The following FARS2 variants were observed in gnomAD, a reference collection of about 807,000 sequenced individuals.
The protein encoded by FARS2 is phenylalanine--tRNA ligase, mitochondrial.
Under a neutral mutation model 46.4 loss-of-function variants are expected in FARS2, and 40 were observed. The ratio of observed to expected loss-of-function variants is 0.86; its 90% CI spans 0.67 to 1.12. The LOEUF (loss-of-function observed/expected upper bound fraction) is 1.12. Ranked by LOEUF, FARS2 falls within the 50% of genes most tolerant of loss-of-function variation. FARS2 has a pLI of 0.00. For synonymous variants in FARS2, 234 were observed against 214.9 expected, an observed-to-expected ratio of 1.09 and a Z score of -0.78; for missense variants, 513 against 567.9, an observed-to-expected ratio of 0.90 and a Z score of 0.98.
intron 6 of FARS2, among the ~76,000 whole-genome samples, chr6:5,734,782 A>G (rs907917617): frequency 6.6e-6 from 1 of 152,218 alleles, no homozygotes; most frequent in African/African-American, 2.4e-5. Context: ...ACGGAAAGAT[A>G]GATGGTTGTT....
intron 6 of FARS2, among the ~76,000 whole-genome samples, chr6:5,627,994 A>G (rs944040875): frequency 6.6e-6 from 1 of 152,224 alleles, no homozygotes; most frequent in African/African-American, 2.4e-5. Flanking sequence ...CAGGCCAAAT[A>G]TTCAGATAGG....
chr6:5,584,536 T>A (rs1336574827), intron 5 of FARS2, among the ~76,000 whole-genome samples: 1 of 152,154 alleles, frequency 6.6e-6, no homozygotes, highest in African/African-American at 2.4e-5. Context: ...TCTTTCTTTT[T>A]CTCTCCCCTC....
intron 5 of FARS2, among the ~76,000 whole-genome samples, chr6:5,593,385 G>A (rs972244503): frequency 6.6e-6 from 1 of 151,952 alleles, no homozygotes; most frequent in East Asian, 1.9e-4. Flanking sequence ...CAGGGGCAAA[G>A]TGATACCTGT....
intron 1 of FARS2, among the ~76,000 whole-genome samples, chr6:5,327,919 A>G (rs1393640065): frequency 6.6e-6 from 1 of 152,164 alleles, no homozygotes; most frequent in African/African-American, 2.4e-5. Context: ...CTGGACGTTG[A>G]TATTGTCCTG....
Position 5,569,072 on chromosome 6 carries a change from A to G in FARS2, c.1065+23732A>G, listed in dbSNP as rs149576318. On this transcript the variant is annotated intron_variant, in intron 5 of 6. Coordinates refer to ENST00000274680, the MANE Select transcript of FARS2 (RefSeq NM_006567.5). ...CATGTCTCGGTGCAAACTGGGATTG[A>G]CCTGGGTAAAGTGGGTGTTTAATCA... Among the ~76,000 whole-genome samples, 974 of 151,906 alleles carry G rather than the reference A, an allele frequency of 6.4e-3. 6 individuals carry two copies. The highest frequency in any genetic ancestry group is 0.01 in the Non-Finnish European group (713 of 67,940).
intron 4 of FARS2, among the ~76,000 whole-genome samples, chr6:5,472,286 C>T (rs1046568973): frequency 6.6e-6 from 1 of 152,150 alleles, no homozygotes; most frequent in African/African-American, 2.4e-5. Flanking sequence ...TGAAAAATTA[C>T]CACAACAATT....
At chr6:5,353,495 CT>C (rs1757704416) in intron 1 of FARS2, among the ~76,000 whole-genome samples, 1 of 152,112 alleles carries the variant, frequency 6.6e-6, no homozygotes, top group Non-Finnish European at 1.5e-5. Context: ...TCCATAGTGG[CT>C]GTATTAATTT....
At chr6:5,401,323 C>T (rs1562013287) in intron 2 of FARS2, among the ~76,000 whole-genome samples, 1 of 152,084 alleles carries the variant, frequency 6.6e-6, no homozygotes, top group East Asian at 1.9e-4. Context: ...TTAATGGTTG[C>T]TTTTATACTT....
At chr6:5,559,134 G>T (rs1582445906) in intron 5 of FARS2, among the ~76,000 whole-genome samples, 1 of 151,500 alleles carries the variant, frequency 6.6e-6, no homozygotes, top group African/African-American at 2.4e-5. Flanking sequence ...AGGCGCAGGG[G>T]CCTCACTCCT....
intron 6 of FARS2, among the ~76,000 whole-genome samples, chr6:5,719,923 C>T (rs1323213527): frequency 1.3e-5 from 2 of 152,190 alleles, no homozygotes; most frequent in African/African-American, 4.8e-5. Flanking sequence ...CTGTTGTGGA[C>T]TCTCTATTAT....
intron 1 of FARS2, among the ~76,000 whole-genome samples, chr6:5,269,232 G>A (rs1223812087): frequency 1.3e-5 from 2 of 151,826 alleles, no homozygotes; most frequent in East Asian, 1.9e-4. Context: ...GCAAACTATC[G>A]CAAGGACAGA....
In FARS2 at chr6:5,765,560, G is replaced by T. The variant is rs548286989; in HGVS notation, c.1218-5731G>T. On this transcript the variant is annotated intron_variant, in intron 6 of 6. Transcript: ENST00000274680. This position sits in a 1 kb window ranked among gnomAD's most constrained non-coding sequence, Gnocchi z 4.0. ...GCCCTCTGGTGGGCCCTGTAGTGCC[G>T]CACTGTACTAGACAAACAGCGCGTG... 1.1e-4 allele frequency among the ~76,000 whole-genome samples: 17 copies of T among 152,240 alleles called. No individual in the cohort carries two copies. Among genetic ancestry groups the T allele is most frequent in the Non-Finnish European group, 2.2e-4 (15 of 68,002 alleles).
intron 6 of FARS2, among the ~76,000 whole-genome samples, chr6:5,681,814 C>T (rs1321118803): frequency 6.6e-6 from 1 of 152,230 alleles, no homozygotes; most frequent in African/African-American, 2.4e-5. Flanking sequence ...GGATCCCTCC[C>T]TCTTTTGGTG....
chr6:5,489,194 C>T (rs532491546), intron 4 of FARS2, among the ~76,000 whole-genome samples: 2 of 152,188 alleles, frequency 1.3e-5, no homozygotes, highest in African/African-American at 4.8e-5. Context: ...TGGCTCACAC[C>T]TATAATCTGA....
chr6:5,265,145 A>C (rs1408688324), intron 1 of FARS2, among the ~76,000 whole-genome samples: 1 of 152,124 alleles, frequency 6.6e-6, no homozygotes. Flanking sequence ...ATATTAGTAA[A>C]CGCTAAAGGA....
At chr6:5,675,757 A>C (rs752658787) in intron 6 of FARS2, among the ~76,000 whole-genome samples, 14 of 152,230 alleles carry the variant, frequency 9.2e-5, no homozygotes, top group Non-Finnish European at 8.8e-5. Flanking sequence ...AGGTGAATAA[A>C]ATAAACCTGG....
chr6:5,598,855 T>G (rs1015302751), intron 5 of FARS2, among the ~76,000 whole-genome samples: 1 of 152,188 alleles, frequency 6.6e-6, no homozygotes, highest in Non-Finnish European at 1.5e-5. Context: ...GAGATTTGGA[T>G]GTTTGACATT....
At chr6:5,377,587 A>G (rs972073131) in intron 2 of FARS2, among the ~76,000 whole-genome samples, 1 of 152,146 alleles carries the variant, frequency 6.6e-6, no homozygotes, top group South Asian at 2.1e-4. Flanking sequence ...TTTATACAAG[A>G]ATGTGCATAT....
At chr6:5,416,907 G>A (rs926915770) in intron 3 of FARS2, among the ~76,000 whole-genome samples, 7 of 152,164 alleles carry the variant, frequency 4.6e-5, no homozygotes, top group African/African-American at 7.2e-5. Context: ...CCTTTGTGCC[G>A]TCACATATTT....
Sources: gnomAD v4.1 joint callset for allele counts (sites outside exome capture counted in the v4.1 genomes callset) on GRCh38, gnomAD v4.1.1 for gene constraint, Gnocchi (gnomAD v3.1) non-coding constraint, MANE v1.5 for transcripts, NCBI Gene and HGNC (gene_info 2026-07-23, HGNC 2026-07-21) for gene names.